Variants in MGLL observed in about 807,000 individuals in gnomAD.
The protein encoded by MGLL is lysophospholipase homolog.
MGLL carries 7 observed loss-of-function variants against 29.1 expected under a neutral mutation model. The ratio of observed to expected loss-of-function variants is 0.24; its 90% confidence interval spans 0.14 to 0.45. The LOEUF (loss-of-function observed/expected upper bound fraction) is 0.45. Among genes scored for constraint, MGLL ranks in the 20% least tolerant of loss-of-function variants. The probability of loss-of-function intolerance (pLI) is 0.99; values close to 1 mark genes in which losing one functional copy is unlikely to be tolerated. For missense variants in MGLL, 356 were observed against 413.6 expected, an observed-to-expected ratio of 0.86 and a Z score of 1.21; for synonymous variants, 148 against 168.3, an observed-to-expected ratio of 0.88 and a Z score of 0.93.
chr3:127,706,104 A>G (rs988614785), intron 6 of MGLL, among the ~76,000 whole-genome samples: 1 of 152,170 alleles, frequency 6.6e-6, no homozygotes, highest in African/African-American at 2.4e-5. Flanking sequence ...ACATACCCAA[A>G]AGAATGGAAG....
chr3:127,805,833 A>G (rs1461265615), intron 2 of MGLL, among the ~76,000 whole-genome samples: 1 of 152,262 alleles, frequency 6.6e-6, no homozygotes, highest in East Asian at 1.9e-4. Flanking sequence ...AAAGCCAGAG[A>G]AGTATCTAGC....
chr3:127,711,411 C>T (rs1276794955), intron 5 of MGLL: 2 of 152,416 alleles, frequency 1.3e-5, no homozygotes, highest in Admixed American at 1.3e-4. Flanking sequence ...CCCAAACCTT[C>T]CCACCCCCTC....
intron 5 of MGLL, 64 bp from the exon 6 acceptor site, chr3:127,710,729 G>C: frequency 1.5e-6 from 2 of 1,365,830 alleles, no homozygotes; most frequent in Non-Finnish European, 2.0e-6. Context: ...CTCTTCCGCA[G>C]TGACAGTTTA....
intron 4 of MGLL, among the ~76,000 whole-genome samples, chr3:127,721,781 G>A (rs1228927690): frequency 1.3e-5 from 2 of 152,124 alleles, no homozygotes; most frequent in Non-Finnish European, 2.9e-5. Flanking sequence ...GGGGCAGGAG[G>A]CAAGGCCTGC....
chr3:127,764,380 A>G (rs1030235890), intron 3 of MGLL, among the ~76,000 whole-genome samples: 5 of 152,092 alleles, frequency 3.3e-5, no homozygotes, highest in Admixed American at 1.3e-4. Flanking sequence ...TGACTTTACT[A>G]TGTCTCCCTG....
chr3:127,746,115 A>G (rs2076437088), intron 3 of MGLL, among the ~76,000 whole-genome samples: 1 of 152,186 alleles, frequency 6.6e-6, no homozygotes, highest in African/African-American at 2.4e-5. Flanking sequence ...AGCACCGGCC[A>G]GGGAGACTGG....
intron 2 of MGLL, among the ~76,000 whole-genome samples, chr3:127,785,855 A>C (rs1402170697): frequency 6.6e-6 from 1 of 152,214 alleles, no homozygotes; most frequent in East Asian, 1.9e-4. Flanking sequence ...TACTGTGAGG[A>C]GCACTGTGAG....
At chr3:127,723,492 C>T (rs1482163624) in intron 3 of MGLL, among the ~76,000 whole-genome samples, 1 of 152,104 alleles carries the variant, frequency 6.6e-6, no homozygotes, top group Non-Finnish European at 1.5e-5. Flanking sequence ...GACCCTCCTG[C>T]TGTCAGGCCC....
intron 2 of MGLL, among the ~76,000 whole-genome samples, chr3:127,787,196 G>A (rs1252025720): frequency 3.9e-5 from 6 of 152,208 alleles, no homozygotes; most frequent in African/African-American, 7.2e-5. Flanking sequence ...TGGGCAAGAC[G>A]CCTGCAATAC....
chr3:127,773,380 G>A (rs1470094776), intron 3 of MGLL, among the ~76,000 whole-genome samples: 1 of 152,262 alleles, frequency 6.6e-6, no homozygotes, highest in African/African-American at 2.4e-5. Context: ...GTAAGAGGGA[G>A]ACAACAGTCT....
Position 127,702,718 on chromosome 3 carries a change from G to A in MGLL, c.601-7528C>T, listed in dbSNP as rs145243640. On this transcript the variant is annotated intron_variant, in intron 6 of 7. Transcript: ENST00000265052. Reference sequence around the variant, plus strand: ...TGTTTGTTTGTTTGTTTTTGAGATGGAGTCTCGCTCTTGTCGCCCAGGCTG... The same window carrying A: ...TGTTTGTTTGTTTGTTTTTGAGATGAAGTCTCGCTCTTGTCGCCCAGGCTG... 8.5e-3 allele frequency among the ~76,000 whole-genome samples: 1,291 copies of A among 152,288 alleles called. 10 individuals carry two copies. Among genetic ancestry groups the A allele is most frequent in the Non-Finnish European group, 0.015 (988 of 68,020 alleles).
At chr3:127,798,261 G>A (rs1279874647) in intron 2 of MGLL, among the ~76,000 whole-genome samples, 3 of 152,062 alleles carry the variant, frequency 2.0e-5, no homozygotes, top group East Asian at 1.9e-4. Context: ...CAGGAAAGCA[G>A]GAGCCTGTTC....
chr3:127,815,208 C>T (rs182809894), intron 2 of MGLL, among the ~76,000 whole-genome samples: 14 of 152,342 alleles, frequency 9.2e-5, no homozygotes, highest in African/African-American at 3.1e-4. Context: ...CCTCACTCCC[C>T]TCCTGGCTTA....
At chr3:127,735,780 G>T (rs200482324) in intron 3 of MGLL, 28 of 1,598,236 alleles carry the variant, frequency 1.8e-5, no homozygotes, top group Non-Finnish European at 2.3e-5. Context: ...GGTTTCAGAG[G>T]AGAAAAATGT....
intron 6 of MGLL, among the ~76,000 whole-genome samples, chr3:127,700,929 C>A (rs1048969944): frequency 3.9e-5 from 6 of 152,002 alleles, no homozygotes; most frequent in African/African-American, 1.2e-4. Flanking sequence ...AAGAATGTAC[C>A]GTAGCCTGGG....
chr3:127,806,393 G>GTGGATGGGTGGATGAATGAATAAATGGA, intron 2 of MGLL, among the ~76,000 whole-genome samples: 2 of 152,320 alleles, frequency 1.3e-5, no homozygotes, highest in South Asian at 4.1e-4. Flanking sequence ...AAGTAAATGT[G>GTGGATGGGTGGATGAATGAATAAATGGA]TGGATGGGTG....
At chr3:127,740,146 C>T (rs2076312293) in intron 3 of MGLL, among the ~76,000 whole-genome samples, 1 of 152,216 alleles carries the variant, frequency 6.6e-6, no homozygotes, top group South Asian at 2.1e-4. Flanking sequence ...GTCAAGTCTC[C>T]TAGTTCTCTT....
At chr3:127,804,071 T>C (rs941315351) in intron 2 of MGLL, among the ~76,000 whole-genome samples, 1 of 152,242 alleles carries the variant, frequency 6.6e-6, no homozygotes, top group Non-Finnish European at 1.5e-5. Flanking sequence ...AAAAAGAAAG[T>C]TGATTTTAAA....
At chr3:127,716,235 A>C (rs992654045) in intron 5 of MGLL, among the ~76,000 whole-genome samples, 1 of 152,222 alleles carries the variant, frequency 6.6e-6, no homozygotes, top group Admixed American at 6.5e-5. Flanking sequence ...TTGGATTTGA[A>C]CTTTGATTCT....
Sources: allele counts gnomAD v4.1 joint callset (sites outside exome capture counted in the v4.1 genomes callset), GRCh38; gene constraint gnomAD v4.1.1; transcripts MANE v1.5; gene names NCBI Gene and HGNC (gene_info 2026-07-23, HGNC 2026-07-21).